Variants in CBLC observed in about 807,000 individuals in gnomAD.
The protein encoded by CBLC is E3 ubiquitin-protein ligase CBL-C.
In CBLC, 46 loss-of-function variants were observed where a neutral mutation model predicts 58.6. The observed-to-expected ratio is 0.79, with a 90% CI of 0.62 to 1.00. CBLC has a LOEUF of 1.00. Among genes scored for constraint, CBLC ranks in the 50% least tolerant of loss-of-function variants. The pLI, the probability that CBLC is intolerant of heterozygous loss-of-function variation, is 0.00. For synonymous variants in CBLC, 271 were observed against 264.2 expected (o/e 1.03, Z -0.25); for missense variants, 655 against 625.8 (o/e 1.05, Z -0.50).
chr19:44,800,542 C>A lies in CBLC; in HGVS notation c.*8-9C>A. 1 of 748,214 alleles carries A rather than the reference C, an allele frequency of 1.3e-6. No individual in the cohort carries two copies. The highest frequency in any genetic ancestry group is 2.2e-6 in the Non-Finnish European group (1 of 445,728). 46.3% of individuals were successfully genotyped at this position (748,214 alleles called of 1,614,324 possible). A position where few individuals can be genotyped will look rare whatever the true frequency, so the allele number is the denominator to read the frequency against. The stretch of plus-strand genomic sequence containing the variant: ...ACCTCATCTAACCCACCCCTCTCTC[C>A]GCCTACAGGGCACCCAGATGTGCTG... On this transcript the variant is annotated splice_polypyrimidine_tract_variant and intron_variant, in intron 10 of 10. Coordinates refer to ENST00000647358, the MANE Select transcript of CBLC (RefSeq NM_012116.4).
chr19:44,794,755 G>A (rs189704371), intron 9 of CBLC, among the ~76,000 whole-genome samples: 15 of 152,034 alleles, frequency 9.9e-5, no homozygotes, highest in South Asian at 8.3e-4. Context: ...GAGCCACTGC[G>A]CCTGGCCTCA....
chr19:44,795,557 G>C (rs1228255783), intron 9 of CBLC, among the ~76,000 whole-genome samples: 2 of 151,846 alleles, frequency 1.3e-5, no homozygotes, highest in Non-Finnish European at 2.9e-5. Context: ...CCAGCTGTTA[G>C]GGAGGCAGAG....
chr19:44,783,129 G>C (rs1967794101), intron 4 of CBLC, among the ~76,000 whole-genome samples: 1 of 152,208 alleles, frequency 6.6e-6, no homozygotes, highest in Non-Finnish European at 1.5e-5. Flanking sequence ...CCAGTACTTT[G>C]GGAGGCCGAG....
At chr19:44,781,397 G>C (rs1354803734) in intron 3 of CBLC, 34 bp downstream of exon 3, 2 of 1,593,326 alleles carry the variant, frequency 1.3e-6, no homozygotes, top group African/African-American at 2.7e-5. Flanking sequence ...GCTAGACTTG[G>C]GTCCAGGAGG....
In CBLC at chr19:44,784,497, T is replaced by C. The variant is rs151307593; in HGVS notation, c.917+96T>C. ...TGCCGGTGGCCACCACGTTTGAGGG[T>C]GCAACCATTCACATAGGGGACATCT... is the stretch of plus-strand genomic sequence containing the variant. On this transcript the variant is annotated intron_variant, in intron 5 of 10. Transcript: ENST00000647358. 3.9e-4 allele frequency: 496 copies of C among 1,266,110 alleles called. 2 individuals are homozygous for C. In the African/African-American group the frequency reaches 6.8e-3, roughly 17 times the overall value. The allele number at this position is 1,266,110 out of a possible 1,614,324, so 78.4% of individuals were successfully genotyped here.
intron 5 of CBLC, among the ~76,000 whole-genome samples, chr19:44,789,043 G>A (rs939541248): frequency 9.9e-5 from 15 of 152,136 alleles, no homozygotes; most frequent in African/African-American, 2.7e-4. Context: ...TATACATGTC[G>A]GAATAACTGG....
chr19:44,787,147 A>C (rs1210689395), intron 5 of CBLC, among the ~76,000 whole-genome samples: 1 of 152,000 alleles, frequency 6.6e-6, no homozygotes, highest in Non-Finnish European at 1.5e-5. Context: ...TAATCCCAGC[A>C]CTTTAAGAGG....
At position 44,777,891 on chromosome 19, in the gene CBLC, T is replaced by C. The variant is rs761887572; in HGVS notation, c.-41T>C. On this transcript the variant is annotated 5_prime_UTR_variant, in exon 1 of 11. Transcript: ENST00000647358. The stretch of plus-strand genomic sequence containing the variant: ...TTCACTCTGGGCGAGGCCGCCCCTA[T>C]CCCAGCCGCACCGGTCCTTCCCGGC... 1.4e-6 allele frequency: 2 copies of C among 1,476,138 alleles called. No homozygotes were observed. Among genetic ancestry groups the C allele is most frequent in the East Asian group, 5.2e-5 (2 of 38,686 alleles). The allele number at this position is 1,476,138 out of a possible 1,614,324, so 91.4% of individuals were successfully genotyped here.
intron 5 of CBLC, among the ~76,000 whole-genome samples, chr19:44,788,130 T>C (rs989007611): frequency 8.6e-5 from 13 of 151,870 alleles, no homozygotes; most frequent in Non-Finnish European, 1.8e-4. Flanking sequence ...GTTCTTTTTT[T>C]TTCTGTGACA....
At chr19:44,784,462 T>C (rs945360356) in intron 5 of CBLC, 61 bp downstream of exon 5, 6 of 1,472,880 alleles carry the variant, frequency 4.1e-6, no homozygotes, top group Non-Finnish European at 5.5e-6. Context: ...AGATCTTGCA[T>C]GTTGTGCACT....
chr19:44,782,753 G>A (rs1967784006), intron 4 of CBLC, among the ~76,000 whole-genome samples: 1 of 152,202 alleles, frequency 6.6e-6, no homozygotes, highest in South Asian at 2.1e-4. Flanking sequence ...CCGCTTGAGG[G>A]TAAGGTCCGT....
chr19:44,794,164 C>A, intron 8 of CBLC, 40 bp from the exon 9 acceptor site: 2 of 1,579,448 alleles, frequency 1.3e-6, no homozygotes, highest in East Asian at 2.3e-5. Flanking sequence ...AAGAAAATGG[C>A]AGCTCACAAG....
Position 44,800,486 on chromosome 19 carries a change from A to C in CBLC, c.*7+36A>C, listed in dbSNP as rs756573147. 5.4e-6 allele frequency: 7 copies of C among 1,289,222 alleles called. No homozygotes were observed. In the South Asian group the frequency reaches 8.5e-5, roughly 16 times the overall value. The allele number at this position is 1,289,222 out of a possible 1,614,324, so 79.9% of individuals were successfully genotyped here. On this transcript the variant is annotated intron_variant, in intron 10 of 10. Coordinates refer to ENST00000647358, the MANE Select transcript of CBLC (RefSeq NM_012116.4). ...TCCCTAACCCTCCCTGGCCCACTCC[A>C]CCCCACTCCACCCTCCTCCACCTGG...
chr19:44,795,585 G>A (rs1002248743), intron 9 of CBLC, among the ~76,000 whole-genome samples: 5 of 151,898 alleles, frequency 3.3e-5, no homozygotes, highest in Non-Finnish European at 7.4e-5. Flanking sequence ...GAAAGCTTGA[G>A]CCCAGGATTT....
At chr19:44,797,187 A>G (rs1968196140) in intron 9 of CBLC, among the ~76,000 whole-genome samples, 1 of 152,060 alleles carries the variant, frequency 6.6e-6, no homozygotes, top group Non-Finnish European at 1.5e-5. Context: ...ATTCTTCAAA[A>G]CATACCACAG....
chr19:44,781,349 A>C lies in CBLC; in HGVS notation c.643A>C (p.Thr215Pro), dbSNP rs1967725365. Residue 215 changes from threonine (T) to proline (P), a missense_variant, in exon 3 of 11, where the codon ACC (threonine) becomes CCC (proline). Around this residue, in one of 3 missense-constraint regions of CBLC, gnomAD observed 371 missense variants for 370.8 expected, o/e 1.00. Coordinates refer to ENST00000647358, the MANE Select transcript of CBLC (RefSeq NM_012116.4). The stretch of plus-strand genomic sequence containing the variant: ...GTCCATCTTCGAGTTCGACGTCTTC[A>C]CCAGGCTCTTTCAGGTCAGGGAAGG... ...HVSIFEFDVF[T>P]RLFQPWPTLL... 6.2e-7 allele frequency: 1 copy of C among 1,610,110 alleles called. No individual in the cohort carries two copies. The highest frequency in any genetic ancestry group is 1.7e-4 in the Middle Eastern group (1 of 6,060).
At chr19:44,792,635 A>G in intron 7 of CBLC, 121 bp downstream of exon 7, 1 of 1,053,016 alleles carries the variant, frequency 9.5e-7, no homozygotes, top group South Asian at 1.8e-5. Flanking sequence ...GAGGGCAAAG[A>G]GCTGATGGCA....
At chr19:44,780,138 A>ATT (rs766135820) in intron 1 of CBLC, among the ~76,000 whole-genome samples, 1 of 140,566 alleles carries the variant, frequency 7.1e-6, no homozygotes. Context: ...ATTCAGCGTA[A>ATT]TTTTTTTTTT....
At chr19:44,779,660 T>A (rs1276062358) in intron 1 of CBLC, among the ~76,000 whole-genome samples, 12 of 150,160 alleles carry the variant, frequency 8.0e-5, no homozygotes, top group Admixed American at 7.3e-4. Context: ...CAAGTGATCC[T>A]CCCACCTCAG....
Sources: allele counts gnomAD v4.1 joint callset (sites outside exome capture counted in the v4.1 genomes callset), GRCh38; gene constraint gnomAD v4.1.1; regional missense constraint gnomAD v4.1.1; transcripts MANE v1.5; gene names NCBI Gene and HGNC (gene_info 2026-07-23, HGNC 2026-07-21).